The following USP33 variants were observed in gnomAD, a reference collection of about 807,000 sequenced individuals.
USP33 encodes the protein ubiquitin specific peptidase 33, also known as ubiquitin carboxyl-terminal hydrolase 33.
Under a neutral mutation model 124.2 loss-of-function variants are expected in USP33, and 46 were observed. That is an observed-to-expected ratio of 0.37 (90% CI 0.29 to 0.47). USP33 has a LOEUF of 0.47. Among genes scored for constraint, USP33 ranks in the 20% least tolerant of loss-of-function variants. The pLI, the probability that USP33 is intolerant of heterozygous loss-of-function variation, is 0.99. For synonymous variants in USP33, 350 were observed against 352.3 expected (o/e 0.99, Z 0.07); for missense variants, 851 against 1,070.6 (o/e 0.79, Z 2.86).
At chr1:77,725,944 TA>T (rs1183191650) in intron 10 of USP33, among the ~76,000 whole-genome samples, 182 bp from the exon 11 acceptor site, 1 of 152,176 alleles carries the variant, frequency 6.6e-6, no homozygotes, top group Non-Finnish European at 1.5e-5. Flanking sequence ...GAAATCCAAC[TA>T]ATTTTTGTTT....
Position 77,725,563 on chromosome 1 carries a change from A to T in USP33, c.1276+59T>A, listed in dbSNP as rs376521906. 6 of 1,555,908 alleles carry T rather than the reference A, an allele frequency of 3.9e-6. No homozygotes were observed. In the African/African-American group the frequency reaches 5.5e-5, roughly 14 times the overall value. On this transcript the variant is annotated intron_variant, in intron 11 of 23. Coordinates refer to ENST00000370794, the MANE Select transcript of USP33 (RefSeq NM_201624.3). ...AACACTTTAAATTATCAAGTACCAA[A>T]ACCATCATTTTAAACTAAGACCCAA...
chr1:77,701,537 C>A, intron 21 of USP33, 66 bp from the exon 22 acceptor site: 1 of 1,282,660 alleles, frequency 7.8e-7, no homozygotes, highest in Non-Finnish European at 1.1e-6. Flanking sequence ...ACAATACCAT[C>A]ATTCCACTTC....
At chr1:77,713,868 A>ACTCT (rs1363333175) in intron 19 of USP33, among the ~76,000 whole-genome samples, 4 of 150,876 alleles carry the variant, frequency 2.7e-5, no homozygotes, top group Non-Finnish European at 3.0e-5. Context: ...TTATTCTTAC[A>ACTCT]CTCTCTCTCC....
intron 1 of USP33, among the ~76,000 whole-genome samples, chr1:77,753,938 T>G (rs1390145727): frequency 6.6e-6 from 1 of 152,062 alleles, no homozygotes; most frequent in African/African-American, 2.4e-5. Flanking sequence ...AGCATGGATG[T>G]TTAAACAGCA....
chr1:77,717,774 A>C, intron 17 of USP33, 93 bp downstream of exon 17: 14 of 1,183,468 alleles, frequency 1.2e-5, no homozygotes, highest in Non-Finnish European at 1.6e-5. Flanking sequence ...TCATTCTCCC[A>C]AAAGGCTGGT....
rs142262678 is a variant in USP33 at position 77,712,509 on chromosome 1, C to T, written c.2298-654G>A. On this transcript the variant is annotated intron_variant, in intron 20 of 23. Transcript: ENST00000370794. ...CTGCACTCCCGACTGGGCGACAGAG[C>T]GAGACTCCATCTTAAAATTTTAAAG... Among the ~76,000 whole-genome samples the T allele has an allele frequency of 2.8e-4, 43 of 152,150 alleles. 1 individual carries two copies. The highest frequency in any genetic ancestry group is 9.9e-4 in the African/African-American group (41 of 41,508).
At chr1:77,755,543 CAA>C (rs796809146) in intron 1 of USP33, among the ~76,000 whole-genome samples, 8 of 152,212 alleles carry the variant, frequency 5.3e-5, no homozygotes, top group African/African-American at 1.9e-4. Flanking sequence ...CCAAAAAATA[CAA>C]AAATTAGCTG....
Position 77,741,619 on chromosome 1 carries a change from G to T in USP33, c.79C>A (p.Leu27Ile). 1 of 1,581,328 alleles carries T rather than the reference G, an allele frequency of 6.3e-7. No individual in the cohort carries two copies. The stretch of plus-strand genomic sequence containing the variant: ...GGAAGAAAAAACCTGTTTCTTACAA[G>T]GGATTTTTGTATCAAATCTTCTTTT... Reference protein sequence around the residue: ...ITKEDLIQKSLGTCQDCKVQG... With the variant: ...ITKEDLIQKSIGTCQDCKVQG... The change falls in exon 2 of 24, where the codon CTT becomes ATT. Residue 27 changes from leucine to isoleucine, a missense_variant and splice_region_variant. Physicochemically the swap from Leu to Ile is conservative, Grantham distance 5. Around this residue, in one of 4 missense-constraint regions of USP33, gnomAD observed 221 missense variants for 302.9 expected, o/e 0.73. Coordinates refer to ENST00000370794, the MANE Select transcript of USP33 (RefSeq NM_201624.3).
At chr1:77,704,271 T>C (rs1443771288) in intron 21 of USP33, among the ~76,000 whole-genome samples, 1 of 152,170 alleles carries the variant, frequency 6.6e-6, no homozygotes, top group Non-Finnish European at 1.5e-5. Context: ...TTAAGGCATA[T>C]TTGTCTCAAG....
At chr1:77,741,871 G>A in intron 1 of USP33, 123 bp from the exon 2 acceptor site, 1 of 966,320 alleles carries the variant, frequency 1.0e-6, no homozygotes, top group South Asian at 2.6e-5. Flanking sequence ...ACATAAGAAT[G>A]ATATAAGTTT....
At chr1:77,738,980 A>G (rs1022623780) in intron 5 of USP33, among the ~76,000 whole-genome samples, 3 of 152,152 alleles carry the variant, frequency 2.0e-5, no homozygotes, top group African/African-American at 7.2e-5. Flanking sequence ...CTTACCAGAA[A>G]AAGATAAAGA....
At chr1:77,702,176 A>C (rs1570723967) in intron 21 of USP33, among the ~76,000 whole-genome samples, 1 of 124,714 alleles carries the variant, frequency 8.0e-6, no homozygotes, top group African/African-American at 2.7e-5. Context: ...AAAAAAAAAA[A>C]ACCAGTGGTA....
At chr1:77,732,155 G>A (rs566771489) in intron 7 of USP33, among the ~76,000 whole-genome samples, 1 of 151,228 alleles carries the variant, frequency 6.6e-6, no homozygotes, top group Non-Finnish European at 1.5e-5. Context: ...TTACTAGCTG[G>A]TTATATCGGC....
chr1:77,738,906 G>A (rs1346161135), intron 5 of USP33, among the ~76,000 whole-genome samples: 2 of 152,134 alleles, frequency 1.3e-5, no homozygotes, highest in Non-Finnish European at 2.9e-5. Context: ...GAACGGGGAA[G>A]AGAGCTGAAT....
intron 7 of USP33, among the ~76,000 whole-genome samples, 187 bp from the exon 8 acceptor site, chr1:77,730,918 T>C (rs1288938151): frequency 6.6e-6 from 1 of 152,194 alleles, no homozygotes; most frequent in African/African-American, 2.4e-5. Context: ...GGCCCCAGCA[T>C]ATCAAGAGTC....
At position 77,718,185 on chromosome 1, in the gene USP33, T is replaced by G. The variant is rs547074208; in HGVS notation, c.1738-138A>C. The G allele has an allele frequency of 2.7e-4, 208 of 770,284 alleles. 2 individuals are homozygous for G. Among genetic ancestry groups the G allele is most frequent in the Non-Finnish European group, 4.0e-4 (203 of 502,656 alleles). 47.7% of individuals were successfully genotyped at this position (770,284 alleles called of 1,614,324 possible). On this transcript the variant is annotated intron_variant, in intron 16 of 23. Coordinates refer to ENST00000370794, the MANE Select transcript of USP33 (RefSeq NM_201624.3). ...ATCAAATTACAATTATGAAGTTATT[T>G]AGATTTTTATTTCGTTTTAAATGCT...
intron 4 of USP33, among the ~76,000 whole-genome samples, chr1:77,740,416 C>T (rs1036232933): frequency 3.3e-5 from 5 of 151,432 alleles, no homozygotes; most frequent in Non-Finnish European, 5.9e-5. Flanking sequence ...TGCAATGGCA[C>T]GATCTCGGCT....
At chr1:77,713,325 A>G in intron 19 of USP33, 44 bp from the exon 20 acceptor site, 1 of 1,493,002 alleles carries the variant, frequency 6.7e-7, no homozygotes, top group East Asian at 2.4e-5. Context: ...TTTTAATTAT[A>G]TTCCTTTCAA....
chr1:77,697,699 C>T, intron 23 of USP33, 164 bp downstream of exon 23: 2 of 899,254 alleles, frequency 2.2e-6, no homozygotes, highest in Non-Finnish European at 3.3e-6. Context: ...TAAGACCTTT[C>T]CTCAGATAAA....
Sources: allele counts gnomAD v4.1 joint callset (sites outside exome capture counted in the v4.1 genomes callset), GRCh38; gene constraint gnomAD v4.1.1; regional missense constraint gnomAD v4.1.1; transcripts MANE v1.5; gene names NCBI Gene and HGNC (gene_info 2026-07-23, HGNC 2026-07-21).